The following PRDM6 variants were observed in gnomAD, a reference collection of about 807,000 sequenced individuals.
The protein encoded by PRDM6 is putative histone-lysine N-methyltransferase PRDM6.
PRDM6 carries 25 observed loss-of-function variants against 60.8 expected under a neutral mutation model. The ratio of observed to expected loss-of-function variants is 0.41; its 90% CI spans 0.30 to 0.57. The LOEUF (loss-of-function observed/expected upper bound fraction) is 0.57. PRDM6 is among the 20% of genes least tolerant of loss of function. The pLI, the probability that PRDM6 is intolerant of heterozygous loss-of-function variation, is 0.27. For synonymous variants in PRDM6, 407 were observed against 357.4 expected (o/e 1.14, Z -1.57); for missense variants, 839 against 821.3 (o/e 1.02, Z -0.26).
intron 3 of PRDM6, among the ~76,000 whole-genome samples, chr5:123,104,009 C>T (rs187032953): frequency 3.9e-5 from 6 of 152,112 alleles, no homozygotes; most frequent in Admixed American, 6.5e-5. Context: ...TTGAGTGTCT[C>T]GTTTTCATTT....
rs1276161921 is a variant in PRDM6, at chr5:123,090,116, G to A, written c.102G>A (p.Pro34=). ...TCTTCCCTCACGGAGGCGCAGGCCC[G>A]CTCAAGGGCAGCGGCGCCGCGGGTC... ...QQLFPHGGAG[P]LKGSGAAGLL... The change falls in exon 2 of 8, where the codon CCG becomes CCA. Residue 34 remains proline, a synonymous_variant. Transcript: ENST00000407847. The A allele has an allele frequency of 3.2e-6, 5 of 1,542,432 alleles. No individual in the cohort carries two copies. The highest frequency in any genetic ancestry group is 1.4e-5 in the African/African-American group (1 of 71,786).
intron 5 of PRDM6, among the ~76,000 whole-genome samples, chr5:123,169,176 C>G (rs1338215275): frequency 6.6e-6 from 1 of 152,146 alleles, no homozygotes; most frequent in East Asian, 1.9e-4. Context: ...TAACTTTAAT[C>G]TCTCAGCCTT....
At chr5:123,113,231 C>T (rs1043183926) in intron 3 of PRDM6, among the ~76,000 whole-genome samples, 2 of 152,108 alleles carry the variant, frequency 1.3e-5, no homozygotes, top group Non-Finnish European at 2.9e-5. Context: ...TGGTGTTGTA[C>T]AGTCTATGGA....
intron 7 of PRDM6, among the ~76,000 whole-genome samples, chr5:123,180,833 C>G (rs1298020091): frequency 1.3e-5 from 2 of 152,154 alleles, no homozygotes; most frequent in Non-Finnish European, 2.9e-5. Context: ...ATTATAGCAG[C>G]CAACTTGTGA....
At position 123,188,929 on chromosome 5, in the gene PRDM6, A is replaced by G. The variant is rs553995441; in HGVS notation, c.*1728A>G. ...TATTTATATACGTATATATACATAT[A>G]TACACATAATAATAATCTCTAGAAC... is the stretch of plus-strand genomic sequence containing the variant. On this transcript the variant is annotated 3_prime_UTR_variant, in exon 8 of 8. Coordinates refer to ENST00000407847, the MANE Select transcript of PRDM6 (RefSeq NM_001136239.4). The G allele has an allele frequency of 1.4e-4, 22 of 152,302 alleles. 1 individual carries two copies. In the East Asian group the frequency reaches 4.2e-3, roughly 29 times the overall value. 9.4% of individuals were successfully genotyped at this position (152,302 alleles called of 1,614,324 possible).
intron 5 of PRDM6, among the ~76,000 whole-genome samples, chr5:123,167,000 T>C (rs960010016): frequency 6.6e-6 from 1 of 152,270 alleles, no homozygotes; most frequent in Non-Finnish European, 1.5e-5. Context: ...GTCTTTCTTG[T>C]GTTGGGATGA....
rs1252345117 is a variant in PRDM6 at position 123,099,482 on chromosome 5, C to T, written c.593-172C>T. On this transcript the variant is annotated intron_variant, in intron 2 of 7. Coordinates refer to ENST00000407847, the MANE Select transcript of PRDM6 (RefSeq NM_001136239.4). The surrounding 1 kb of genome is among the most constrained non-coding windows in gnomAD (Gnocchi z 4.0). ...ATTCCAAGGGAGCGGCGCGGGTTCT[C>T]TTCTCCTCCTCCTCTGAGTTGCTTC... Among the ~76,000 whole-genome samples the T allele has an allele frequency of 6.6e-6, 1 of 152,178 alleles. No individual in the cohort carries two copies. Among genetic ancestry groups the T allele is most frequent in the Non-Finnish European group, 1.5e-5 (1 of 68,018 alleles).
In PRDM6 at chr5:123,188,048, T is replaced by C. The variant is rs760525835; in HGVS notation, c.*847T>C. The C allele has an allele frequency of 2.6e-5, 4 of 152,044 alleles. No individual in the cohort carries two copies. Among genetic ancestry groups the C allele is most frequent in the Non-Finnish European group, 5.9e-5 (4 of 68,000 alleles). The allele number at this position is 152,044 out of a possible 1,614,324, so 9.4% of individuals were successfully genotyped here. A position where few individuals can be genotyped will look rare whatever the true frequency, so the allele number is the denominator to read the frequency against. On this transcript the variant is annotated 3_prime_UTR_variant, in exon 8 of 8. Coordinates refer to ENST00000407847, the MANE Select transcript of PRDM6 (RefSeq NM_001136239.4). ...AAAATAAAGTTCTTTGGTTTAAGGC[T>C]GGAGATAAGGTGTTAGGCTTCATTG...
Position 123,090,315 on chromosome 5 carries a change from G to A in PRDM6, c.301G>A (p.Ala101Thr), listed in dbSNP as rs934230847. 1.4e-6 allele frequency: 2 copies of A among 1,474,836 alleles called. No homozygotes were observed. The highest frequency in any genetic ancestry group is 1.8e-6 in the Non-Finnish European group (2 of 1,113,412). The allele number at this position is 1,474,836 out of a possible 1,614,324, so 91.4% of individuals were successfully genotyped here. A position where few individuals can be genotyped will look rare whatever the true frequency, so the allele number is the denominator to read the frequency against. ...CGCCTCCTCCTGCGCTGCTGCGGCC[G>A]CTGCCGCCGCGCTGGCTGGTCTCTC... The part of the protein sequence containing the change: ...SSASSCAAAA[A>T]AAALAGLSAL... The change falls in exon 2 of 8, where the codon GCT (alanine) becomes ACT (threonine). Residue 101 changes from alanine (A) to threonine (T), a missense_variant. This residue lies in a region of PRDM6 where 730 missense variants were observed against 648.8 expected (regional missense o/e 1.13). Transcript: ENST00000407847.
intron 3 of PRDM6, among the ~76,000 whole-genome samples, chr5:123,109,801 C>G (rs1236464316): frequency 6.6e-6 from 1 of 152,146 alleles, no homozygotes; most frequent in Non-Finnish European, 1.5e-5. Context: ...AACCAACTTG[C>G]AAGATGAAAA....
intron 3 of PRDM6, among the ~76,000 whole-genome samples, chr5:123,109,960 C>G (rs2150212003): frequency 6.6e-6 from 1 of 152,266 alleles, no homozygotes; most frequent in Non-Finnish European, 1.5e-5. Context: ...ATCTCAGTGT[C>G]CAGAGTATTG....
intron 5 of PRDM6, among the ~76,000 whole-genome samples, chr5:123,168,556 G>A (rs115162035): frequency 8.9e-4 from 135 of 152,262 alleles, no homozygotes; most frequent in African/African-American, 3.1e-3. Context: ...TCTCAGCCCC[G>A]ATTTCACTTT....
At chr5:123,110,904 A>AAACTATGTCACG (rs1194989384) in intron 3 of PRDM6, among the ~76,000 whole-genome samples, 14 of 152,198 alleles carry the variant, frequency 9.2e-5, no homozygotes, top group Admixed American at 3.9e-4. Flanking sequence ...GGTGATACTC[A>AAACTATGTCACG]AACTATGTCA....
intron 5 of PRDM6, among the ~76,000 whole-genome samples, chr5:123,162,910 T>C (rs1235754392): frequency 6.6e-6 from 1 of 152,238 alleles, no homozygotes; most frequent in East Asian, 1.9e-4. Flanking sequence ...GAAAATACTC[T>C]TGTGATTTGA....
In PRDM6 at chr5:123,187,156, G is replaced by A. The variant is rs1766306556; in HGVS notation, c.1743G>A (p.Glu581=). ...QLSRHQRMPN[E]CKPITESPES... ...GCCGACACCAGCGGATGCCCAATGA[G>A]TGCAAGCCAATAACTGAGAGCCCAG... The change falls in exon 8 of 8, where the codon GAG becomes GAA. Residue 581 remains glutamate (E), a synonymous_variant. Transcript: ENST00000407847. 3.2e-6 allele frequency: 5 copies of A among 1,551,562 alleles called. No homozygotes were observed. In the Admixed American group the frequency reaches 9.8e-5, roughly 30 times the overall value.
chr5:123,108,572 A>G (rs1184919683), intron 3 of PRDM6, among the ~76,000 whole-genome samples: 1 of 152,140 alleles, frequency 6.6e-6, no homozygotes, highest in Non-Finnish European at 1.5e-5. Flanking sequence ...GTCCTGAAAA[A>G]TATTGGGCTA....
At chr5:123,125,545 G>A (rs933427832) in intron 3 of PRDM6, among the ~76,000 whole-genome samples, 1 of 152,152 alleles carries the variant, frequency 6.6e-6, no homozygotes, top group Non-Finnish European at 1.5e-5. Context: ...TTCAAAGTCT[G>A]CTCAACATGG....
At chr5:123,141,811 T>C (rs1765109850) in intron 3 of PRDM6, among the ~76,000 whole-genome samples, 1 of 152,170 alleles carries the variant, frequency 6.6e-6, no homozygotes, top group Non-Finnish European at 1.5e-5. Context: ...ACTTAGTGTG[T>C]GTCAGGCTCT....
At chr5:123,134,842 T>C (rs1394247762) in intron 3 of PRDM6, among the ~76,000 whole-genome samples, 1 of 152,188 alleles carries the variant, frequency 6.6e-6, no homozygotes, top group African/African-American at 2.4e-5. Context: ...AGATCTGCAA[T>C]AGAATGTTAC....
Sources: allele counts gnomAD v4.1 joint callset (sites outside exome capture counted in the v4.1 genomes callset), GRCh38; gene constraint gnomAD v4.1.1; regional missense constraint gnomAD v4.1.1; non-coding constraint Gnocchi (gnomAD v3.1); transcripts MANE v1.5; gene names NCBI Gene and HGNC (gene_info 2026-07-23, HGNC 2026-07-21).